The following CTNNA2 variants were observed in gnomAD, a reference collection of about 807,000 sequenced individuals.
CTNNA2 encodes the protein catenin alpha-2.
In CTNNA2, 42 loss-of-function variants were observed where a neutral mutation model predicts 101.0. That is an observed-to-expected ratio of 0.42 (90% CI 0.32 to 0.54). CTNNA2 has a LOEUF of 0.54. CTNNA2 is among the 20% of genes least tolerant of loss of function. CTNNA2 has a pLI of 0.14. For synonymous variants in CTNNA2, 450 were observed against 456.4 expected, an observed-to-expected ratio of 0.99 and a Z score of 0.18; for missense variants, 871 against 1,223.1, an observed-to-expected ratio of 0.71 and a Z score of 4.29.
chr2:79,697,256 C>G (rs185590884), intron 2 of CTNNA2, among the ~76,000 whole-genome samples: 64 of 152,116 alleles, frequency 4.2e-4, no homozygotes, highest in African/African-American at 1.4e-3. Flanking sequence ...TGCAATGTCA[C>G]TCCTGACAAA....
chr2:79,321,506 A>C (rs1426465762), intron 3 of CTNNA2, among the ~76,000 whole-genome samples: 2 of 152,182 alleles, frequency 1.3e-5, no homozygotes, highest in African/African-American at 4.8e-5. Flanking sequence ...AGTTGGATAT[A>C]AGCTGGCTGC....
At chr2:80,376,388 A>G in intron 7 of CTNNA2, among the ~76,000 whole-genome samples, 1 of 152,004 alleles carries the variant, frequency 6.6e-6, no homozygotes, top group East Asian at 1.9e-4. Context: ...TTTGCCAGCT[A>G]CTGGACTTAG....
chr2:79,437,514 A>G (rs1678730107), intron 4 of CTNNA2, among the ~76,000 whole-genome samples: 1 of 152,134 alleles, frequency 6.6e-6, no homozygotes, highest in South Asian at 2.1e-4. Context: ...CTTGTTAGAA[A>G]TGCAGTTCTC....
rs115526263 is a variant in CTNNA2 at position 79,887,955 on chromosome 2, G to A, written c.852+13613G>A. Among the ~76,000 whole-genome samples, 987 of 152,208 alleles carry A rather than the reference G, an allele frequency of 6.5e-3. 14 individuals carry two copies. Among genetic ancestry groups the A allele is most frequent in the African/African-American group, 0.023 (937 of 41,528 alleles). On this transcript the variant is annotated intron_variant, in intron 6 of 18. Coordinates refer to ENST00000402739, the MANE Select transcript of CTNNA2 (RefSeq NM_001282597.3). ...CACTGACATCTGGTGGCCAAACAAA[G>A]CATTAAGAAACACTCCTGTGGGTTC... is the stretch of plus-strand genomic sequence containing the variant.
chr2:79,449,565 G>A (rs1678867155), intron 4 of CTNNA2, among the ~76,000 whole-genome samples: 1 of 151,944 alleles, frequency 6.6e-6, no homozygotes. Flanking sequence ...AATAAAAGAA[G>A]TACCATCAAT....
intron 4 of CTNNA2, among the ~76,000 whole-genome samples, chr2:79,402,792 T>G (rs1947309): frequency 0.79 from 119,335 of 151,602 alleles, 47,132 homozygotes; most frequent in East Asian, 0.93. Flanking sequence ...AAAGTATGCT[T>G]TCTCATCAAA....
chr2:79,936,775 A>T (rs1463847430), intron 7 of CTNNA2, among the ~76,000 whole-genome samples: 2 of 152,146 alleles, frequency 1.3e-5, no homozygotes, highest in East Asian at 3.9e-4. Context: ...GTTAAAAATA[A>T]TACAAAATCA....
intron 1 of CTNNA2, among the ~76,000 whole-genome samples, chr2:79,186,142 G>T (rs985763869): frequency 5.9e-5 from 9 of 152,192 alleles, no homozygotes; most frequent in Admixed American, 3.3e-4. Context: ...TCTTGGTGAT[G>T]AGGTGACCTG....
chr2:80,175,843 T>C (rs760547023), intron 7 of CTNNA2, among the ~76,000 whole-genome samples: 1 of 152,192 alleles, frequency 6.6e-6, no homozygotes, highest in Non-Finnish European at 1.5e-5. Context: ...GTAGGTCTAA[T>C]AGTTCAAAGG....
chr2:79,379,239 T>C (rs1678013568), intron 4 of CTNNA2, among the ~76,000 whole-genome samples: 1 of 152,214 alleles, frequency 6.6e-6, no homozygotes, highest in African/African-American at 2.4e-5. Flanking sequence ...GCCTGTCTGG[T>C]TTTCACTAAA....
intron 7 of CTNNA2, among the ~76,000 whole-genome samples, chr2:80,374,079 A>G (rs976629712): frequency 2.6e-5 from 4 of 152,004 alleles, no homozygotes; most frequent in South Asian, 2.1e-4. Context: ...AAAGATTTCA[A>G]CTCTTATTTT....
intron 2 of CTNNA2, among the ~76,000 whole-genome samples, chr2:79,704,474 G>A (rs948404216): frequency 1.3e-5 from 2 of 150,346 alleles, no homozygotes; most frequent in Admixed American, 6.6e-5. Context: ...GCAAAGCACC[G>A]TCTGGCATAT....
At chr2:79,982,029 GTTTTGT>G (rs3066072) in intron 7 of CTNNA2, among the ~76,000 whole-genome samples, 42 of 148,128 alleles carry the variant, frequency 2.8e-4, no homozygotes, top group African/African-American at 1.0e-3. Flanking sequence ...TCATGGTAGT[GTTTTGT>G]TTTTGTTTTT....
intron 7 of CTNNA2, among the ~76,000 whole-genome samples, chr2:79,944,117 C>G (rs1688334599): frequency 6.6e-6 from 1 of 151,256 alleles, no homozygotes; most frequent in South Asian, 2.1e-4. Context: ...CTGAAATAAT[C>G]TCATTCACAG....
chr2:79,994,088 T>A (rs931918090), intron 7 of CTNNA2, among the ~76,000 whole-genome samples: 6 of 152,192 alleles, frequency 3.9e-5, no homozygotes, highest in South Asian at 2.1e-4. Flanking sequence ...GGGGTTTTTT[T>A]ACTTGTGTTT....
chr2:80,421,379 A>T lies in CTNNA2; in HGVS notation c.1290+1778A>T, dbSNP rs562462922. On this transcript the variant is annotated intron_variant, in intron 9 of 18. Transcript: ENST00000402739. Reference sequence around the variant, plus strand: ...GTGATAAACATCTACTTTCAGTCCTATTAGTGCCTTTACTTCATTTGCAGG... The same window carrying T: ...GTGATAAACATCTACTTTCAGTCCTTTTAGTGCCTTTACTTCATTTGCAGG... Among the ~76,000 whole-genome samples the T allele has an allele frequency of 1.7e-4, 26 of 152,340 alleles. No individual in the cohort carries two copies. In the South Asian group the frequency reaches 5.4e-3, roughly 32 times the overall value.
At chr2:80,276,353 C>T (rs74322714) in intron 7 of CTNNA2, among the ~76,000 whole-genome samples, 1,823 of 152,204 alleles carry the variant, frequency 0.012, 36 homozygotes, top group African/African-American at 0.041. Flanking sequence ...GATTTCTGCC[C>T]GGCTGGATAC....
chr2:80,527,099 C>G (rs1024266322), intron 9 of CTNNA2, among the ~76,000 whole-genome samples: 4 of 152,162 alleles, frequency 2.6e-5, no homozygotes, highest in African/African-American at 9.7e-5. Context: ...AACACAAGGT[C>G]TCACTCTTAC....
At chr2:79,396,438 C>A (rs906702599) in intron 4 of CTNNA2, among the ~76,000 whole-genome samples, 7 of 152,070 alleles carry the variant, frequency 4.6e-5, no homozygotes, top group African/African-American at 7.2e-5. Flanking sequence ...GGATTACAAG[C>A]ATTGAATTTT....
Sources: gnomAD v4.1 joint callset for allele counts (sites outside exome capture counted in the v4.1 genomes callset) on GRCh38, gnomAD v4.1.1 for gene constraint, MANE v1.5 for transcripts, NCBI Gene and HGNC (gene_info 2026-07-23, HGNC 2026-07-21) for gene names.